The following ABITRAM variants were observed in gnomAD, a reference collection of about 807,000 sequenced individuals.
ABITRAM encodes protein Abitram.
In ABITRAM, 19 loss-of-function variants were observed where a neutral mutation model predicts 22.9. The ratio of observed to expected loss-of-function variants is 0.83; its 90% CI spans 0.58 to 1.22. The LOEUF is 1.22. ABITRAM is among the 50% of genes most tolerant of loss of function. The pLI is 0.00. For synonymous variants in ABITRAM, 70 were observed against 73.9 expected (o/e 0.95, Z 0.27); for missense variants, 215 against 220.2 (o/e 0.98, Z 0.15).
chr9:108,945,632 TTTTTTTTTTTGTTTTG>T (rs1193223722), downstream of ABITRAM, among the ~76,000 whole-genome samples: 3 of 151,164 alleles, frequency 2.0e-5, no homozygotes, highest in African/African-American at 7.3e-5. Context: ...CCGCTAGTTT[TTTTTTTTTTTGTTTTG>T]TTTTTTTGTA....
downstream of ABITRAM, among the ~76,000 whole-genome samples, chr9:108,943,419 A>C (rs1830304811): frequency 6.6e-6 from 1 of 152,156 alleles, no homozygotes; most frequent in Non-Finnish European, 1.5e-5. Context: ...GGGAGACCAG[A>C]CTCGGAGGCA....
chr9:108,935,502 A>G, intron 1 of ABITRAM, 136 bp from the exon 2 acceptor site: 1 of 681,228 alleles, frequency 1.5e-6, no homozygotes, highest in East Asian at 2.6e-5. Context: ...TTTTTGAGTA[A>G]TGAAGGGATA....
downstream of ABITRAM, chr9:108,943,663 A>G (rs750436951): frequency 1.9e-6 from 3 of 1,546,472 alleles, no homozygotes; most frequent in South Asian, 3.6e-5. Flanking sequence ...TTAACCAGAT[A>G]AAGATAGATG....
At chr9:108,938,697 G>T (rs866887249) in intron 3 of ABITRAM, among the ~76,000 whole-genome samples, 2 of 145,438 alleles carry the variant, frequency 1.4e-5, no homozygotes, top group East Asian at 4.3e-4. Context: ...CAAAGGGGGG[G>T]GGGGGAAAGA....
intron 3 of ABITRAM, among the ~76,000 whole-genome samples, chr9:108,948,857 G>A (rs1830477680): frequency 6.6e-6 from 1 of 151,880 alleles, no homozygotes; most frequent in Non-Finnish European, 1.5e-5. Context: ...AATGGACTAG[G>A]GATAAGTCAG....
At chr9:108,943,899 A>T, downstream of ABITRAM, 1 of 1,599,052 alleles carries the variant, frequency 6.3e-7, no homozygotes, top group Non-Finnish European at 8.6e-7. Context: ...CATTGATATT[A>T]TACCCCCAAA....
At chr9:108,946,668 A>G (rs1277122757) in intron 3 of ABITRAM, among the ~76,000 whole-genome samples, 1 of 152,188 alleles carries the variant, frequency 6.6e-6, no homozygotes, top group Non-Finnish European at 1.5e-5. Flanking sequence ...CATAAGCTCT[A>G]TGGGGGCAGG....
chr9:108,945,847 G>A (rs1234048072), downstream of ABITRAM, among the ~76,000 whole-genome samples: 1 of 152,068 alleles, frequency 6.6e-6, no homozygotes, highest in South Asian at 2.1e-4. Flanking sequence ...CAGATAGGGA[G>A]GGCCAAGTGT....
chr9:108,945,638 T>G (rs531323471), downstream of ABITRAM, among the ~76,000 whole-genome samples: 15,817 of 149,148 alleles, frequency 0.11, 957 homozygotes, highest in South Asian at 0.17. Context: ...GTTTTTTTTT[T>G]TTTTGTTTTG....
rs147481372 is a variant in ABITRAM, at chr9:108,934,925, A to T, written c.79+360A>T. ...ACTCTCACAGGGAGTAGCGATACATAAAATTATTTAAATGATCAGATCGAA... is the reference window on the plus strand; with the variant it reads ...ACTCTCACAGGGAGTAGCGATACATTAAATTATTTAAATGATCAGATCGAA... On this transcript the variant is annotated intron_variant, in intron 1 of 5. Transcript: ENST00000322940. Among the ~76,000 whole-genome samples the T allele has an allele frequency of 3.6e-3, 547 of 152,310 alleles. 4 individuals are homozygous for T. The highest frequency in any genetic ancestry group is 6.8e-3 in the Middle Eastern group (2 of 294).
intron 3 of ABITRAM, among the ~76,000 whole-genome samples, chr9:108,946,638 T>C (rs1444833636): frequency 6.6e-6 from 1 of 152,236 alleles, no homozygotes; most frequent in Non-Finnish European, 1.5e-5. Flanking sequence ...ATTCTTATTG[T>C]CTATATTCTG....
rs1446583713 is a variant in ABITRAM at position 108,939,937 on chromosome 9, C to G, written c.*251C>G. On this transcript the variant is annotated 3_prime_UTR_variant, in exon 6 of 6. Transcript: ENST00000322940. Reference sequence around the variant, plus strand: ...TCTCTTGCATCTCTCTAACAACTGGCATGCAAGGCATGTTTTTCTGATTAA... The same window carrying G: ...TCTCTTGCATCTCTCTAACAACTGGGATGCAAGGCATGTTTTTCTGATTAA... 1.6e-5 allele frequency: 6 copies of G among 363,906 alleles called. No homozygotes were observed. Among genetic ancestry groups the G allele is most frequent in the Non-Finnish European group, 3.0e-5 (6 of 203,350 alleles). The allele number at this position is 363,906 out of a possible 1,614,324, so 22.5% of individuals were successfully genotyped here. A position where few individuals can be genotyped will look rare whatever the true frequency, so the allele number is the denominator to read the frequency against.
Position 108,935,716 on chromosome 9 carries a change from T to C in ABITRAM, c.131+27T>C, listed in dbSNP as rs367581476. 7 of 1,590,834 alleles carry C rather than the reference T, an allele frequency of 4.4e-6. No homozygotes were observed. The African/African-American group carries it at 8.1e-5, about 18-fold the overall frequency. On this transcript the variant is annotated intron_variant, in intron 2 of 5. Transcript: ENST00000322940. ...TAAGCAAATTGGGAATTTTAAATTATCAAAAATTTTTTTTTCCTGGTATTG... is the reference window on the plus strand; with the variant it reads ...TAAGCAAATTGGGAATTTTAAATTACCAAAAATTTTTTTTTCCTGGTATTG...
In ABITRAM at chr9:108,935,560, T is replaced by C. The variant is rs189106296; in HGVS notation, c.80-78T>C. The C allele has an allele frequency of 5.8e-5, 66 of 1,132,452 alleles. No individual in the cohort carries two copies. In the African/African-American group the frequency reaches 6.3e-4, roughly 11 times the overall value. 70.2% of individuals were successfully genotyped at this position (1,132,452 alleles called of 1,614,324 possible). A position where few individuals can be genotyped will look rare whatever the true frequency, so the allele number is the denominator to read the frequency against. On this transcript the variant is annotated intron_variant, in intron 1 of 5. Transcript: ENST00000322940. The stretch of plus-strand genomic sequence containing the variant: ...TATGTGTCCAGTCTTCATTATCAAC[T>C]ATATGACCCAAAGAAAGTACCACAT...
At chr9:108,937,996 CAAAAA>C (rs56229176) in intron 3 of ABITRAM, among the ~76,000 whole-genome samples, 1 of 69,592 alleles carries the variant, frequency 1.4e-5, no homozygotes. Flanking sequence ...GACCCTGTCT[CAAAAA>C]AAAAAAAAAA....
At chr9:108,950,644 G>A in exon 4 of ABITRAM, 1 of 1,541,264 alleles carries the variant, frequency 6.5e-7, no homozygotes, top group Non-Finnish European at 8.7e-7. Context: ...CCTCACTTCT[G>A]TCTGCTGCCT....
intron 3 of ABITRAM, chr9:108,948,286 T>C (rs748825271): frequency 1.3e-6 from 2 of 1,549,864 alleles, no homozygotes; most frequent in Non-Finnish European, 1.8e-6. Context: ...TACCTGAAAA[T>C]TGACTTTATA....
At chr9:108,944,578 A>G (rs923122202), downstream of ABITRAM, among the ~76,000 whole-genome samples, 2 of 152,206 alleles carry the variant, frequency 1.3e-5, no homozygotes, top group African/African-American at 4.8e-5. Context: ...GATGAACAGG[A>G]TGATGGAGAA....
chr9:108,943,109 T>C (rs901776850), downstream of ABITRAM: 34 of 1,411,332 alleles, frequency 2.4e-5, no homozygotes, highest in East Asian at 3.3e-4. Context: ...TTACCATTTA[T>C]TTAGTTTTAA....
Sources: gnomAD v4.1 joint callset for allele counts (sites outside exome capture counted in the v4.1 genomes callset) on GRCh38, gnomAD v4.1.1 for gene constraint, MANE v1.5 for transcripts, NCBI Gene and HGNC (gene_info 2026-07-23, HGNC 2026-07-21) for gene names.